Variants in CDKL1 observed in about 807,000 individuals in gnomAD.
CDKL1 encodes the protein cyclin dependent kinase like 1.
A neutral mutation model predicts 42.0 loss-of-function variants in CDKL1; 41 were observed. The observed-to-expected ratio is 0.98, with a 90% confidence interval of 0.76 to 1.27. The LOEUF is 1.27. Ranked by LOEUF, CDKL1 falls within the 50% of genes most tolerant of loss-of-function variation. The probability of loss-of-function intolerance (pLI) is 0.00; values close to 1 mark genes in which losing one functional copy is unlikely to be tolerated. For missense variants in CDKL1, 394 were observed against 428.4 expected, an observed-to-expected ratio of 0.92 and a Z score of 0.71; for synonymous variants, 153 against 158.6, an observed-to-expected ratio of 0.96 and a Z score of 0.26.
intron 7 of CDKL1, among the ~76,000 whole-genome samples, chr14:50,337,206 A>G (rs1187545410): frequency 1.3e-5 from 2 of 151,598 alleles, no homozygotes; most frequent in Non-Finnish European, 2.9e-5. Flanking sequence ...ACAGGGTTTC[A>G]TCATGTTGCC....
chr14:50,344,909 G>A (rs2033677031), intron 4 of CDKL1, 77 bp downstream of exon 4: 2 of 1,227,974 alleles, frequency 1.6e-6, no homozygotes, highest in African/African-American at 3.0e-5. Context: ...ACAGAAGTGT[G>A]ACATAAACTT....
rs71118873 is a variant in CDKL1, at chr14:50,358,636, C to CTTTTTTTTTTTTTTTTTTTT, written c.290+372_290+391dup. On this transcript the variant is annotated intron_variant, in intron 3 of 9. Transcript: ENST00000395834. ...CAAACACTGGCTGTTTTTAACTAGT[C>CTTTTTTTTTTTTTTTTTTTT]TTTTTTTTTTTTTTTTTTTTTGAGA... 4.6e-4 allele frequency among the ~76,000 whole-genome samples: 31 copies of CTTTTTTTTTTTTTTTTTTTT among 67,666 alleles called. 10 individuals are homozygous for CTTTTTTTTTTTTTTTTTTTT. Among genetic ancestry groups the CTTTTTTTTTTTTTTTTTTTT allele is most frequent in the Non-Finnish European group, 7.2e-4 (26 of 36,162 alleles). 44.4% of individuals were successfully genotyped at this position (67,666 alleles called of 152,430 possible). A position where few individuals can be genotyped will look rare whatever the true frequency, so the allele number is the denominator to read the frequency against.
At chr14:50,396,414 T>C (rs1161995766) in intron 1 of CDKL1, 85 bp from the exon 2 acceptor site, 1 of 985,406 alleles carries the variant, frequency 1.0e-6, no homozygotes, top group East Asian at 1.1e-4. Context: ...AGCCTAGAGT[T>C]AGCTGCCTCC....
chr14:50,394,194 G>A (rs574462455), intron 2 of CDKL1, among the ~76,000 whole-genome samples: 1 of 152,286 alleles, frequency 6.6e-6, no homozygotes, highest in African/African-American at 2.4e-5. Flanking sequence ...GAAATGTAAT[G>A]ATCACCTCCT....
At chr14:50,381,582 C>T (rs942001094) in intron 2 of CDKL1, among the ~76,000 whole-genome samples, 2 of 152,154 alleles carry the variant, frequency 1.3e-5, no homozygotes, top group African/African-American at 4.8e-5. Flanking sequence ...TACTGACTAA[C>T]ACAGTACGTG....
In CDKL1 at chr14:50,358,228, T is replaced by G. The variant is rs1445574941; in HGVS notation, c.290+800A>C. 32 of 1,060,354 alleles carry G rather than the reference T, an allele frequency of 3.0e-5. No individual in the cohort carries two copies. The Admixed American group carries it at 1.1e-3, about 36-fold the overall frequency. 65.7% of individuals were successfully genotyped at this position (1,060,354 alleles called of 1,614,324 possible). A position where few individuals can be genotyped will look rare whatever the true frequency, so the allele number is the denominator to read the frequency against. On this transcript the variant is annotated intron_variant, in intron 3 of 9. Coordinates refer to ENST00000395834, the MANE Select transcript of CDKL1 (RefSeq NM_004196.7). ...AGTTACAGCCACAACACAATTGTTT[T>G]TCACCTATGCTTGCTTCAGTTGGGT...
chr14:50,365,947 C>A (rs910897504), intron 2 of CDKL1, among the ~76,000 whole-genome samples: 4 of 152,224 alleles, frequency 2.6e-5, no homozygotes, highest in African/African-American at 9.7e-5. Flanking sequence ...TGGTTTGCCA[C>A]GGGCTCTCCG....
In CDKL1 at chr14:50,344,638, T is replaced by G. The variant is rs375046971; in HGVS notation, c.363+348A>C. On this transcript the variant is annotated intron_variant, in intron 4 of 9. Transcript: ENST00000395834. ...GCACACACCACCGCACCCAGTTCAT[T>G]TTTTTTTATTTTCTGTAGAGACAGG... Among the ~76,000 whole-genome samples, 59 of 151,464 alleles carry G rather than the reference T, an allele frequency of 3.9e-4. No homozygotes were observed. The South Asian group carries it at 0.011, about 29-fold the overall frequency.
intron 7 of CDKL1, among the ~76,000 whole-genome samples, chr14:50,337,474 C>G (rs1318212926): frequency 6.6e-6 from 1 of 151,904 alleles, no homozygotes; most frequent in Non-Finnish European, 1.5e-5. Context: ...GCCTCAGCCT[C>G]CCAAGTAGCT....
intron 7 of CDKL1, among the ~76,000 whole-genome samples, chr14:50,337,889 C>T (rs1342974961): frequency 2.6e-5 from 4 of 151,158 alleles, no homozygotes; most frequent in Admixed American, 6.6e-5. Context: ...TCTTGTTGCC[C>T]GTGCTGGTCT....
At chr14:50,346,458 C>T (rs1157739284) in intron 3 of CDKL1, among the ~76,000 whole-genome samples, 2 of 151,676 alleles carry the variant, frequency 1.3e-5, no homozygotes, top group Non-Finnish European at 2.9e-5. Flanking sequence ...CCCCAGCCTC[C>T]ACTTTTAATT....
intron 4 of CDKL1, chr14:50,342,859 T>C (rs1377275730): frequency 8.1e-7 from 1 of 1,241,794 alleles, no homozygotes. Context: ...CTTCCAGCTC[T>C]GACATTCATC....
At chr14:50,362,890 C>A (rs745313525) in intron 2 of CDKL1, 1 of 426,638 alleles carries the variant, frequency 2.3e-6, no homozygotes, top group Non-Finnish European at 5.1e-6. Context: ...GGCAACCTAC[C>A]CTGGGCACCA....
chr14:50,342,199 T>C lies in CDKL1; in HGVS notation c.387A>G (p.Pro129=). 1.9e-6 allele frequency: 3 copies of C among 1,614,100 alleles called. No homozygotes were observed. Among genetic ancestry groups the C allele is most frequent in the South Asian group, 1.1e-5 (1 of 91,084 alleles). ...AATGTTTCGTGATGAGGATATTTTC[T>C]GGCTTCACGTCTCTATGTATGCACT... ...KHNCIHRDVK[P]ENILITKHSV... is the part of the protein sequence containing the mutation. Residue 129 remains proline, a synonymous_variant, in exon 5 of 10, where the codon CCA becomes CCG. Coordinates refer to ENST00000395834, the MANE Select transcript of CDKL1 (RefSeq NM_004196.7).
chr14:50,326,491 G>A lies in CDKL1; in HGVS notation c.*3583C>T. On this transcript the variant is annotated 3_prime_UTR_variant, in exon 10 of 10. Coordinates refer to ENST00000395834, the MANE Select transcript of CDKL1 (RefSeq NM_004196.7). Reference sequence around the variant, plus strand: ...AGTCAATTATGCAAAGTGGTCAGTGGTTGTTGAAGCATGCATTGCTTCAAC... The same window carrying A: ...AGTCAATTATGCAAAGTGGTCAGTGATTGTTGAAGCATGCATTGCTTCAAC... The A allele has an allele frequency of 1.0e-6, 1 of 985,356 alleles. No homozygotes were observed. Among genetic ancestry groups the A allele is most frequent in the Non-Finnish European group, 1.2e-6 (1 of 829,890 alleles). 61.0% of individuals were successfully genotyped at this position (985,356 alleles called of 1,614,324 possible). A position where few individuals can be genotyped will look rare whatever the true frequency, so the allele number is the denominator to read the frequency against.
intron 3 of CDKL1, among the ~76,000 whole-genome samples, chr14:50,357,624 A>T (rs2034094090): frequency 6.6e-6 from 1 of 152,142 alleles, no homozygotes; most frequent in South Asian, 2.1e-4. Flanking sequence ...TCTTTGAATA[A>T]TATCTCCCAG....
intron 2 of CDKL1, among the ~76,000 whole-genome samples, chr14:50,384,857 G>A (rs1377557370): frequency 6.6e-6 from 1 of 151,600 alleles, no homozygotes; most frequent in Non-Finnish European, 1.5e-5. Flanking sequence ...GATCACTTGA[G>A]GCCAAGAGTT....
chr14:50,349,354 T>A (rs2033826551), intron 3 of CDKL1, among the ~76,000 whole-genome samples: 1 of 152,222 alleles, frequency 6.6e-6, no homozygotes. Context: ...ACCTCTTATT[T>A]GTTCCTGTAC....
chr14:50,370,215 C>T (rs140973046), intron 2 of CDKL1, among the ~76,000 whole-genome samples: 27 of 151,246 alleles, frequency 1.8e-4, no homozygotes, highest in African/African-American at 5.1e-4. Flanking sequence ...ATTACAGGTG[C>T]CTGCCACCAT....
Sources: gnomAD v4.1 joint callset for allele counts (sites outside exome capture counted in the v4.1 genomes callset) on GRCh38, gnomAD v4.1.1 for gene constraint, MANE v1.5 for transcripts, NCBI Gene and HGNC (gene_info 2026-07-23, HGNC 2026-07-21) for gene names.